Variants in DNAJC2 observed in about 807,000 individuals in gnomAD.
The protein encoded by DNAJC2 is DnaJ heat shock protein family (Hsp40) member C2.
Under a neutral mutation model 94.0 loss-of-function variants are expected in DNAJC2, and 32 were observed. The observed-to-expected ratio is 0.34, with a 90% CI of 0.26 to 0.46. DNAJC2 has a LOEUF of 0.46. Among genes scored for constraint, DNAJC2 ranks in the 20% least tolerant of loss-of-function variants. DNAJC2 has a pLI of 1.00. For missense variants in DNAJC2, 550 were observed against 719.5 expected (o/e 0.76, Z 2.69); for synonymous variants, 210 against 229.7 (o/e 0.91, Z 0.77).
Position 103,323,607 on chromosome 7 carries a change from TTTTC to T in DNAJC2, c.706_709del (p.Glu236LysfsTer27), listed in dbSNP as rs1393453898. ...TGATTTGCATACATACCATTCTGCTTTTTCTTTTTCTTCTTCATCTAAATAAGAA... is the reference window on the plus strand; with the variant it reads ...TGATTTGCATACATACCATTCTGCTTTTTTTCTTCTTCATCTAAATAAGAA... On this transcript the variant is annotated frameshift_variant, in exon 7 of 17. Transcript: ENST00000379263. LOFTEE classifies it high-confidence loss of function. 4 of 1,468,080 alleles carry T rather than the reference TTTTC, an allele frequency of 2.7e-6. No individual in the cohort carries two copies. The highest frequency in any genetic ancestry group is 2.8e-6 in the Non-Finnish European group (3 of 1,081,786). 90.9% of individuals were successfully genotyped at this position (1,468,080 alleles called of 1,614,324 possible).
chr7:103,331,798 G>C (rs1818984607), intron 3 of DNAJC2, among the ~76,000 whole-genome samples: 1 of 152,114 alleles, frequency 6.6e-6, no homozygotes, highest in Admixed American at 6.5e-5. Context: ...ATTATAAACA[G>C]AGCCACAATA....
At chr7:103,337,307 T>C (rs978123588) in intron 3 of DNAJC2, 4 of 153,478 alleles carry the variant, frequency 2.6e-5, no homozygotes, top group African/African-American at 9.7e-5. Context: ...TCAGACAACT[T>C]TTCTTGGACA....
chr7:103,314,309 T>C, intron 15 of DNAJC2: 3 of 985,446 alleles, frequency 3.0e-6, no homozygotes, highest in Non-Finnish European at 3.6e-6. Context: ...GCAAAACTCC[T>C]ATGAGAAATC....
Position 103,341,785 on chromosome 7 carries a change from T to C in DNAJC2, c.234A>G (p.Thr78=), listed in dbSNP as rs780232205. The C allele has an allele frequency of 1.3e-6, 2 of 1,587,970 alleles. No homozygotes were observed. The highest frequency in any genetic ancestry group is 3.6e-5 in the Admixed American group (2 of 54,812). The change falls in exon 2 of 17, where the codon ACA becomes ACG. Residue 78 remains threonine, a synonymous_variant. Coordinates refer to ENST00000379263, the MANE Select transcript of DNAJC2 (RefSeq NM_014377.3). ...ATACCTTCCAGTCTTTGGGATCAAG[T>C]GTTTTCAGCATGGGAAACTCTTCCA... The part of the protein sequence containing the change: ...LQLEEFPMLK[T]LDPKDWKNQD...
At chr7:103,318,027 A>G (rs1818167220) in intron 12 of DNAJC2, among the ~76,000 whole-genome samples, 1 of 152,228 alleles carries the variant, frequency 6.6e-6, no homozygotes, top group Admixed American at 6.5e-5. Flanking sequence ...ACGTCAGATT[A>G]GTAGTACAAT....
In DNAJC2 at chr7:103,315,802, G is replaced by A; in HGVS notation, c.1598C>T (p.Pro533Leu). 6.2e-7 allele frequency: 1 copy of A among 1,613,638 alleles called. No homozygotes were observed. Among genetic ancestry groups the A allele is most frequent in the Non-Finnish European group, 8.5e-7 (1 of 1,179,842 alleles). The change falls in exon 15 of 17, where the codon CCT becomes CTT. Residue 533 changes from proline (P) to leucine (L), a missense_variant. This residue lies in a region of DNAJC2 where 271 missense variants were observed against 302.6 expected (regional missense o/e 0.90). Transcript: ENST00000379263. The stretch of plus-strand genomic sequence containing the variant: ...TGAAGGCGTTGCGTTGTCTGCTTGA[G>A]GTACCACTCCATGTTCTTTTTTGAA... ...DKFKKEHGVV[P>L]QADNATPSER...
At chr7:103,333,034 T>C (rs1819036628) in intron 3 of DNAJC2, among the ~76,000 whole-genome samples, 1 of 151,610 alleles carries the variant, frequency 6.6e-6, no homozygotes, top group East Asian at 1.9e-4. Flanking sequence ...TTATACTTAC[T>C]GGGTGAGCAT....
chr7:103,321,904 T>G, intron 10 of DNAJC2, 28 bp downstream of exon 10: 1 of 1,583,728 alleles, frequency 6.3e-7, no homozygotes, highest in African/African-American at 1.4e-5. Flanking sequence ...GATTTACTTG[T>G]GCCTAGTGTT....
rs547775787 is a variant in DNAJC2 at position 103,325,605 on chromosome 7, T to C, written c.572+938A>G. Among the ~76,000 whole-genome samples the C allele has an allele frequency of 2.0e-5, 3 of 152,284 alleles. No homozygotes were observed. In the South Asian group the frequency reaches 6.2e-4, roughly 32 times the overall value. On this transcript the variant is annotated intron_variant, in intron 5 of 16. Coordinates refer to ENST00000379263, the MANE Select transcript of DNAJC2 (RefSeq NM_014377.3). ...AAATCCCCACAGAAATTCAAACCAATAAATCAGAATCTTTCCAGGTGGAAC... is the reference window on the plus strand; with the variant it reads ...AAATCCCCACAGAAATTCAAACCAACAAATCAGAATCTTTCCAGGTGGAAC...
intron 13 of DNAJC2, 61 bp downstream of exon 13, chr7:103,316,769 C>CT: frequency 7.4e-7 from 1 of 1,356,132 alleles, no homozygotes; most frequent in South Asian, 1.3e-5. Context: ...TATTTGGAGT[C>CT]TGTCTACATT....
Position 103,334,970 on chromosome 7 carries a change from A to G in DNAJC2, c.331+2766T>C, listed in dbSNP as rs144432656. ...TGCCGCAGCCGCCCAAGTAGCTGGGATTACAGGCATGCGTCTCCATGCCCG... is the reference window on the plus strand; with the variant it reads ...TGCCGCAGCCGCCCAAGTAGCTGGGGTTACAGGCATGCGTCTCCATGCCCG... On this transcript the variant is annotated intron_variant, in intron 3 of 16. Coordinates refer to ENST00000379263, the MANE Select transcript of DNAJC2 (RefSeq NM_014377.3). 2.0e-3 allele frequency among the ~76,000 whole-genome samples: 298 copies of G among 151,966 alleles called. 3 individuals are homozygous for G. The highest frequency in any genetic ancestry group is 0.018 in the South Asian group (84 of 4,800).
In DNAJC2 at chr7:103,337,784, G is replaced by C. The variant is rs1350196214; in HGVS notation, c.283C>G (p.Leu95Val). Residue 95 changes from leucine (L) to valine (V), a missense_variant, in exon 3 of 17, where the codon CTT (leucine) becomes GTT (valine). Around this residue, in one of 2 missense-constraint regions of DNAJC2, gnomAD observed 279 missense variants for 416.9 expected, o/e 0.67. Transcript: ENST00000379263. ...KNQDHYAVLG[L>V]GHVRYKATQR... The stretch of plus-strand genomic sequence containing the variant: ...GTAGCCTTGTATCTCACATGGCCAA[G>C]TCCAAGAACTGCATAATGATCTTGG... 1 of 1,613,490 alleles carries C rather than the reference G, an allele frequency of 6.2e-7. No homozygotes were observed.
Position 103,324,472 on chromosome 7 carries a change from A to G in DNAJC2, c.653+10T>C, listed in dbSNP as rs758346301. The G allele has an allele frequency of 6.7e-7, 1 of 1,484,458 alleles. No homozygotes were observed. The highest frequency in any genetic ancestry group is 9.1e-7 in the Non-Finnish European group (1 of 1,101,880). 92.0% of individuals were successfully genotyped at this position (1,484,458 alleles called of 1,614,324 possible). Reference sequence around the variant, plus strand: ...AATGACAGCATCATACAAACAGTATATTCACTTACCAGAAAGAATAAAATA... The same window carrying G: ...AATGACAGCATCATACAAACAGTATGTTCACTTACCAGAAAGAATAAAATA... On this transcript the variant is annotated intron_variant, in intron 6 of 16. Transcript: ENST00000379263.
chr7:103,313,707 CAATA>C, intron 15 of DNAJC2: 1 of 985,354 alleles, frequency 1.0e-6, no homozygotes, highest in South Asian at 4.7e-5. Context: ...TGAACACTTC[CAATA>C]ACTGCTATTG....
rs756814317 is a variant in DNAJC2, at chr7:103,317,013, A to G, written c.1244T>C (p.Ile415Thr). ...TCTGATTTGCTCATTTATTTCTTCT[A>G]TCTGCACAAATATCATAAGTCAGGG... ...EVGKAALEKQ[I>T]EEINEQIRKE... The change falls in exon 13 of 17, where the codon ATA becomes ACA. Residue 415 changes from isoleucine (I) to threonine (T), a missense_variant and splice_region_variant. Ile to Thr is a moderately conservative substitution (Grantham distance 89, BLOSUM62 -1). Transcript: ENST00000379263. The G allele has an allele frequency of 5.0e-6, 8 of 1,612,052 alleles. No homozygotes were observed. Among genetic ancestry groups the G allele is most frequent in the Non-Finnish European group, 6.8e-6 (8 of 1,179,392 alleles).
chr7:103,327,458 G>GAT lies in DNAJC2; in HGVS notation c.430+196_430+197dup, dbSNP rs1257240033. ...TTCTAATAAGCTGCCAGGTGTTGCT[G>GAT]ATGCTGCTGGCTGGGGACACCTCAC... is the stretch of plus-strand genomic sequence containing the variant. On this transcript the variant is annotated intron_variant, in intron 4 of 16. Transcript: ENST00000379263. The GAT allele has an allele frequency of 4.1e-6, 3 of 730,994 alleles. 1 individual carries two copies. The highest frequency in any genetic ancestry group is 4.5e-6 in the Non-Finnish European group (2 of 445,882). 45.3% of individuals were successfully genotyped at this position (730,994 alleles called of 1,614,324 possible).
chr7:103,344,267 T>C (rs1197835004), intron 1 of DNAJC2: 3 of 474,876 alleles, frequency 6.3e-6, no homozygotes, highest in African/African-American at 2.0e-5. Flanking sequence ...AGAACCTTTC[T>C]GGGGTGCTGG....
chr7:103,332,403 G>A (rs1586103802), intron 3 of DNAJC2, among the ~76,000 whole-genome samples: 1 of 152,152 alleles, frequency 6.6e-6, no homozygotes, highest in East Asian at 1.9e-4. Context: ...GCTAGGTTTT[G>A]CATACTCAGA....
chr7:103,315,861 T>A lies in DNAJC2; in HGVS notation c.1539A>T (p.Gln513His), dbSNP rs1818022782. The change falls in exon 15 of 17, where the codon CAA (glutamine) becomes CAT (histidine). Residue 513 changes from glutamine to histidine, a missense_variant. By Grantham distance (24) the Gln-to-His change is conservative. Coordinates refer to ENST00000379263, the MANE Select transcript of DNAJC2 (RefSeq NM_014377.3). ...ATGCCTTTTTATTTATGTCATCTTTTTGATGAGGGTCTGAGAAATGAAAAA... is the reference window on the plus strand; with the variant it reads ...ATGCCTTTTTATTTATGTCATCTTTATGATGAGGGTCTGAGAAATGAAAAA... ...AKSLQKLDPHQKDDINKKAFD... is the reference protein window; with the variant it reads ...AKSLQKLDPHHKDDINKKAFD... 6.2e-7 allele frequency: 1 copy of A among 1,611,490 alleles called. No homozygotes were observed. Among genetic ancestry groups the A allele is most frequent in the South Asian group, 1.1e-5 (1 of 90,938 alleles).
Sources: gnomAD v4.1 joint callset for allele counts (sites outside exome capture counted in the v4.1 genomes callset) on GRCh38, gnomAD v4.1.1 for gene constraint, gnomAD v4.1.1 regional missense constraint, MANE v1.5 for transcripts, NCBI Gene and HGNC (gene_info 2026-07-23, HGNC 2026-07-21) for gene names.